Variants in LINGO2 observed in about 807,000 individuals in gnomAD.
The protein encoded by LINGO2 is leucine-rich repeat and immunoglobulin-like domain-containing nogo receptor-interacting protein 2.
A neutral mutation model predicts 30.6 loss-of-function variants in LINGO2; 14 were observed. The ratio of observed to expected loss-of-function variants is 0.46; its 90% confidence interval spans 0.30 to 0.72. The LOEUF (loss-of-function observed/expected upper bound fraction) is 0.72, where lower values mean the gene tolerates loss of function less well. LINGO2 is among the 30% of genes least tolerant of loss of function. The pLI, the probability that LINGO2 is intolerant of heterozygous loss-of-function variation, is 0.07. For missense variants in LINGO2, 729 were observed against 751.7 expected (o/e 0.97, Z 0.35); for synonymous variants, 317 against 288.5 (o/e 1.10, Z -1.00).
At chr9:28,302,895 G>A (rs773331593) in intron 3 of LINGO2, among the ~76,000 whole-genome samples, 1 of 152,086 alleles carries the variant, frequency 6.6e-6, no homozygotes, top group African/African-American at 2.4e-5. Context: ...GAAAAGCATG[G>A]GGTCAGAAAA....
chr9:27,993,399 A>G (rs1341500242), intron 5 of LINGO2, among the ~76,000 whole-genome samples: 3 of 151,908 alleles, frequency 2.0e-5, no homozygotes, highest in African/African-American at 7.3e-5. Context: ...CAGGCTGGGC[A>G]TGGTGTCTCA....
At chr9:28,832,162 G>A in the LINGO2 span, among the ~76,000 whole-genome samples, 1 of 152,050 alleles carries the variant, frequency 6.6e-6, no homozygotes, top group Non-Finnish European at 1.5e-5. Context: ...CAATTTAGTG[G>A]TAAATTAATA....
chr9:29,026,030 C>CTTTT, the LINGO2 span, among the ~76,000 whole-genome samples: 2 of 151,852 alleles, frequency 1.3e-5, no homozygotes, highest in African/African-American at 4.8e-5. Flanking sequence ...TATTGCTTTT[C>CTTTT]TTTTTTCTTT....
At chr9:28,643,630 T>C (rs1178014809) in intron 1 of LINGO2, among the ~76,000 whole-genome samples, 2 of 151,982 alleles carry the variant, frequency 1.3e-5, no homozygotes, top group Non-Finnish European at 2.9e-5. Context: ...TGGGCAAACA[T>C]TTCTTCAGGA....
chr9:29,054,208 C>A, the LINGO2 span, among the ~76,000 whole-genome samples: 1 of 152,058 alleles, frequency 6.6e-6, no homozygotes, highest in Admixed American at 6.6e-5. Flanking sequence ...AATTGTACAA[C>A]AAAACTAAAT....
chr9:28,053,541 C>G (rs1031610569), intron 4 of LINGO2, among the ~76,000 whole-genome samples: 1 of 152,018 alleles, frequency 6.6e-6, no homozygotes, highest in African/African-American at 2.4e-5. Context: ...AGTTCTTTCC[C>G]GGGATATCAG....
chr9:28,799,384 G>A, the LINGO2 span, among the ~76,000 whole-genome samples: 1 of 152,002 alleles, frequency 6.6e-6, no homozygotes, highest in Admixed American at 6.6e-5. Context: ...ATGAAGGGGT[G>A]TGAAAAAGAA....
At chr9:28,968,020 A>T in the LINGO2 span, among the ~76,000 whole-genome samples, 1 of 152,302 alleles carries the variant, frequency 6.6e-6, no homozygotes, top group East Asian at 1.9e-4. Flanking sequence ...TGAACATTGG[A>T]TTGAACTTTT....
chr9:29,103,933 G>A, the LINGO2 span, among the ~76,000 whole-genome samples: 2 of 152,138 alleles, frequency 1.3e-5, no homozygotes, highest in African/African-American at 4.8e-5. Flanking sequence ...AATAAGTCAC[G>A]TAACCTTTCT....
chr9:28,755,382 G>C, the LINGO2 span, among the ~76,000 whole-genome samples: 2 of 152,028 alleles, frequency 1.3e-5, no homozygotes, highest in Non-Finnish European at 2.9e-5. Flanking sequence ...CTGGGTCTTA[G>C]TGGCTCCATC....
chr9:28,293,769 A>C (rs1238754166), intron 4 of LINGO2, among the ~76,000 whole-genome samples: 1 of 152,210 alleles, frequency 6.6e-6, no homozygotes, highest in Non-Finnish European at 1.5e-5. Flanking sequence ...TTCTGAAATA[A>C]AAATAATTAG....
chr9:28,765,490 G>A, the LINGO2 span, among the ~76,000 whole-genome samples: 41,421 of 151,980 alleles, frequency 0.27, 6,982 homozygotes, highest in South Asian at 0.38. Context: ...CAGGAGGAGA[G>A]TCCTCATGAA....
At chr9:28,323,028 G>C (rs1456956450) in intron 3 of LINGO2, among the ~76,000 whole-genome samples, 2 of 152,138 alleles carry the variant, frequency 1.3e-5, no homozygotes, top group Non-Finnish European at 2.9e-5. Flanking sequence ...GTGCCCAGAA[G>C]GGAGTTAACC....
At chr9:28,933,046 A>C in the LINGO2 span, among the ~76,000 whole-genome samples, 1 of 152,132 alleles carries the variant, frequency 6.6e-6, no homozygotes, top group Non-Finnish European at 1.5e-5. Context: ...AGCTGGGATT[A>C]CAGACATACA....
chr9:28,307,191 G>A (rs906620687), intron 3 of LINGO2, among the ~76,000 whole-genome samples: 4 of 152,082 alleles, frequency 2.6e-5, no homozygotes, highest in African/African-American at 9.7e-5. Context: ...TAAAATACTG[G>A]GAAACCGAAT....
the LINGO2 span, among the ~76,000 whole-genome samples, chr9:28,995,012 G>C: frequency 9.8e-3 from 1,489 of 151,992 alleles, 29 homozygotes; most frequent in African/African-American, 0.034. Flanking sequence ...AGCCAAAATT[G>C]ACAAATGGGA....
intron 2 of LINGO2, among the ~76,000 whole-genome samples, chr9:28,406,856 A>G (rs1451091044): frequency 6.6e-6 from 1 of 152,206 alleles, no homozygotes; most frequent in African/African-American, 2.4e-5. Flanking sequence ...TGGTCCAGGT[A>G]AAAGAAATTT....
At chr9:29,051,967 T>C in the LINGO2 span, among the ~76,000 whole-genome samples, 10 of 152,048 alleles carry the variant, frequency 6.6e-5, no homozygotes, top group African/African-American at 2.4e-4. Context: ...AATAAGCAGA[T>C]GTGTGTGAAT....
chr9:29,003,508 C>G, the LINGO2 span, among the ~76,000 whole-genome samples: 1 of 151,858 alleles, frequency 6.6e-6, no homozygotes, highest in Non-Finnish European at 1.5e-5. Flanking sequence ...AAAAGAAATA[C>G]ACACACACAG....
Sources: allele counts gnomAD v4.1 joint callset (sites outside exome capture counted in the v4.1 genomes callset), GRCh38; gene constraint gnomAD v4.1.1; transcripts MANE v1.5; gene names NCBI Gene and HGNC (gene_info 2026-07-23, HGNC 2026-07-21).